SKI: variants seen among roughly 807,000 people sequenced by gnomAD.
SKI encodes ski oncogene.
A neutral mutation model predicts 59.3 loss-of-function variants in SKI; 23 were observed. That is an observed-to-expected ratio of 0.39 (90% CI 0.28 to 0.55). The LOEUF is 0.55. Among genes scored for constraint, SKI ranks in the 20% least tolerant of loss-of-function variants. SKI has a pLI of 0.67. For missense variants in SKI, 1,017 were observed against 1,038.9 expected (o/e 0.98, Z 0.29); for synonymous variants, 673 against 488.6 (o/e 1.38, Z -4.98).
intron 1 of SKI, among the ~76,000 whole-genome samples, chr1:2,278,592 G>A (rs1639798506): frequency 6.6e-6 from 1 of 152,040 alleles, no homozygotes; most frequent in Non-Finnish European, 1.5e-5. Flanking sequence ...TGTGGTGAGG[G>A]CTTCCCCAGA....
At chr1:2,246,176 C>A (rs1280468847) in intron 1 of SKI, among the ~76,000 whole-genome samples, 3 of 152,212 alleles carry the variant, frequency 2.0e-5, no homozygotes, top group African/African-American at 7.2e-5. Context: ...TCGAGCAGCA[C>A]TGTCTTTGCA....
chr1:2,268,963 T>C lies in SKI; in HGVS notation c.970-34015T>C, dbSNP rs1048539510. On this transcript the variant is annotated intron_variant, in intron 1 of 6. Coordinates refer to ENST00000378536, the MANE Select transcript of SKI (RefSeq NM_003036.4). This position sits in a 1 kb window ranked among gnomAD's most constrained non-coding sequence, Gnocchi z 5.0. ...TCTCTCCTTCTCTCCCTCTTCTTTT[T>C]TCGACAGGGTCTGGCTCTGGCTCTG... 4.3e-4 allele frequency among the ~76,000 whole-genome samples: 66 copies of C among 151,952 alleles called. No homozygotes were observed. The highest frequency in any genetic ancestry group is 1.6e-3 in the African/African-American group (65 of 41,368).
chr1:2,275,314 G>T (rs377450242), intron 1 of SKI, among the ~76,000 whole-genome samples: 1 of 152,228 alleles, frequency 6.6e-6, no homozygotes, highest in Non-Finnish European at 1.5e-5. Context: ...CACTGAGTTC[G>T]AGGTTCCCAC....
intron 1 of SKI, among the ~76,000 whole-genome samples, chr1:2,237,802 T>G (rs1638784012): frequency 6.6e-6 from 1 of 152,264 alleles, no homozygotes; most frequent in African/African-American, 2.4e-5. Flanking sequence ...TGGAGGCCAG[T>G]CTGGCCGGGT....
intron 1 of SKI, among the ~76,000 whole-genome samples, chr1:2,256,403 C>G (rs1256986412): frequency 3.3e-5 from 5 of 152,246 alleles, no homozygotes; most frequent in African/African-American, 1.2e-4. Flanking sequence ...GCTTGGTTTT[C>G]TCAGGATCTC....
rs142285456 is a variant in SKI at position 2,273,860 on chromosome 1, C to T, written c.970-29118C>T. Reference sequence around the variant, plus strand: ...GGTGCGGATGGGCCGTGCAGGCAGACGTGCTCTTGGGTGGTTGTGGTGGGG... The same window carrying T: ...GGTGCGGATGGGCCGTGCAGGCAGATGTGCTCTTGGGTGGTTGTGGTGGGG... On this transcript the variant is annotated intron_variant, in intron 1 of 6. Coordinates refer to ENST00000378536, the MANE Select transcript of SKI (RefSeq NM_003036.4). 4.7e-3 allele frequency among the ~76,000 whole-genome samples: 722 copies of T among 152,256 alleles called. 5 individuals carry two copies. The highest frequency in any genetic ancestry group is 0.014 in the Middle Eastern group (4 of 294).
chr1:2,266,760 G>C (rs964208274), intron 1 of SKI, among the ~76,000 whole-genome samples: 3 of 152,206 alleles, frequency 2.0e-5, no homozygotes, highest in Non-Finnish European at 4.4e-5. Flanking sequence ...TGTAAAATGA[G>C]ATAGAAAATG....
chr1:2,304,445 G>A lies in SKI; in HGVS notation c.1627G>A (p.Glu543Lys). 6.4e-7 allele frequency: 1 copy of A among 1,563,578 alleles called. No individual in the cohort carries two copies. Among genetic ancestry groups the A allele is most frequent in the Non-Finnish European group, 8.7e-7 (1 of 1,155,124 alleles). ...CCCCAGTGGGCTGGAGGCGGAGCTG[G>A]AGCACCTGCGGCAGGCACTGGAGGG... The part of the protein sequence containing the change: ...DAPSGLEAEL[E>K]HLRQALEGGL... The change falls in exon 5 of 7, where the codon GAG (glutamate) becomes AAG (lysine). Residue 543 changes from glutamate to lysine, a missense_variant. Glu to Lys is a moderately conservative substitution (Grantham distance 56). Transcript: ENST00000378536.
intron 1 of SKI, among the ~76,000 whole-genome samples, chr1:2,292,953 G>A (rs532949363): frequency 3.9e-4 from 60 of 152,332 alleles, no homozygotes; most frequent in African/African-American, 1.4e-3. Flanking sequence ...ATTTGGGCCC[G>A]TGGACTTCCT....
In SKI at chr1:2,303,616, G is replaced by A; in HGVS notation, c.1211+216G>A. ...TGGAGTCGTGGGTGGAGCCCTGTCT[G>A]CTGGGCGCAGCTTCTTGATGTGTTG... On this transcript the variant is annotated intron_variant, in intron 3 of 6. Coordinates refer to ENST00000378536, the MANE Select transcript of SKI (RefSeq NM_003036.4). This position sits in a 1 kb window ranked among gnomAD's most constrained non-coding sequence, Gnocchi z 5.6. The A allele has an allele frequency of 2.8e-6, 2 of 702,170 alleles. No homozygotes were observed. Among genetic ancestry groups the A allele is most frequent in the Non-Finnish European group, 4.7e-6 (2 of 422,154 alleles). 43.5% of individuals were successfully genotyped at this position (702,170 alleles called of 1,614,324 possible).
chr1:2,300,519 G>C (rs1002003200), intron 1 of SKI, among the ~76,000 whole-genome samples: 6 of 152,204 alleles, frequency 3.9e-5, no homozygotes, highest in African/African-American at 1.4e-4. Context: ...AGGGGCCTTG[G>C]TAGGGCGGGT....
chr1:2,240,534 G>A, intron 1 of SKI: 1 of 985,440 alleles, frequency 1.0e-6, no homozygotes, highest in African/African-American at 1.7e-5. Context: ...CAAGGCTGCG[G>A]GACTGGGACC....
chr1:2,252,730 C>T (rs1245679344), intron 1 of SKI, among the ~76,000 whole-genome samples: 2 of 152,150 alleles, frequency 1.3e-5, no homozygotes, highest in East Asian at 3.8e-4. Flanking sequence ...CAGGCTGGTG[C>T]TCAGCTCTTC....
chr1:2,253,086 A>C, intron 1 of SKI, among the ~76,000 whole-genome samples: 1 of 128,944 alleles, frequency 7.8e-6, no homozygotes. Context: ...ATGGAGTGAG[A>C]CCCTGTCTGA....
intron 1 of SKI, among the ~76,000 whole-genome samples, chr1:2,243,547 G>C (rs995844164): frequency 2.6e-5 from 4 of 152,358 alleles, no homozygotes; most frequent in Admixed American, 6.5e-5. Flanking sequence ...GCCTTGGGAC[G>C]AGTGGGCAGA....
Position 2,260,297 on chromosome 1 carries a change from C to A in SKI, c.969+30562C>A, listed in dbSNP as rs1484322009. Among the ~76,000 whole-genome samples, 4 of 152,140 alleles carry A rather than the reference C, an allele frequency of 2.6e-5. No individual in the cohort carries two copies. The East Asian group carries it at 7.7e-4, about 29-fold the overall frequency. On this transcript the variant is annotated intron_variant, in intron 1 of 6. Coordinates refer to ENST00000378536, the MANE Select transcript of SKI (RefSeq NM_003036.4). ...TGGCTTCTCTTGTGCGTATTTGCCA[C>A]CATATGTCTTCTTTGGTGAAATGTC...
chr1:2,250,823 G>T (rs1005995516), intron 1 of SKI, among the ~76,000 whole-genome samples: 1 of 152,244 alleles, frequency 6.6e-6, no homozygotes, highest in African/African-American at 2.4e-5. Flanking sequence ...GGCCTGCCTC[G>T]TTGCCCTAGG....
chr1:2,239,489 C>G (rs1044500944), intron 1 of SKI, among the ~76,000 whole-genome samples: 2 of 152,220 alleles, frequency 1.3e-5, no homozygotes, highest in African/African-American at 4.8e-5. Flanking sequence ...ACGGGAGAAC[C>G]TTCATCCCAT....
At chr1:2,246,868 G>A (rs1033300865) in intron 1 of SKI, among the ~76,000 whole-genome samples, 1 of 152,116 alleles carries the variant, frequency 6.6e-6, no homozygotes, top group African/African-American at 2.4e-5. Flanking sequence ...GGGGCCTCAG[G>A]AACCTCCACC....
Sources: gnomAD v4.1 joint callset for allele counts (sites outside exome capture counted in the v4.1 genomes callset) on GRCh38, gnomAD v4.1.1 for gene constraint, Gnocchi (gnomAD v3.1) non-coding constraint, MANE v1.5 for transcripts, NCBI Gene and HGNC (gene_info 2026-07-23, HGNC 2026-07-21) for gene names.